Variants in LRP1B observed in about 807,000 individuals in gnomAD.
LRP1B encodes low-density lipoprotein receptor-related protein 1B.
A neutral mutation model predicts 556.6 loss-of-function variants in LRP1B; 217 were observed. The observed-to-expected ratio is 0.39, with a 90% CI of 0.35 to 0.44. The LOEUF is 0.44. Among genes scored for constraint, LRP1B ranks in the 20% least tolerant of loss-of-function variants. The probability of loss-of-function intolerance (pLI) is 1.00; values close to 1 mark genes in which losing one functional copy is unlikely to be tolerated. For synonymous variants in LRP1B, 2,047 were observed against 1,865.8 expected, an observed-to-expected ratio of 1.10 and a Z score of -2.50; for missense variants, 5,053 against 5,620.8, an observed-to-expected ratio of 0.90 and a Z score of 3.23.
intron 7 of LRP1B, among the ~76,000 whole-genome samples, chr2:141,165,676 A>G (rs1680221975): frequency 6.6e-6 from 1 of 152,030 alleles, no homozygotes; most frequent in Admixed American, 6.6e-5. Context: ...TGAACCATTA[A>G]GGAAATTGGA....
chr2:141,686,010 A>C (rs1691288773), intron 2 of LRP1B, among the ~76,000 whole-genome samples: 1 of 152,078 alleles, frequency 6.6e-6, no homozygotes, highest in Admixed American at 6.6e-5. Context: ...ATGGAAAACA[A>C]ATGTAGAATA....
intron 2 of LRP1B, among the ~76,000 whole-genome samples, chr2:141,764,474 G>A (rs575324802): frequency 9.9e-5 from 15 of 152,240 alleles, no homozygotes; most frequent in East Asian, 9.7e-4. Context: ...GAGCCACCGC[G>A]CCAGGCACAA....
chr2:141,785,385 T>C (rs980178179), intron 2 of LRP1B, among the ~76,000 whole-genome samples: 9 of 151,950 alleles, frequency 5.9e-5, no homozygotes, highest in African/African-American at 2.2e-4. Flanking sequence ...TCTGTGACCA[T>C]CTGTGAGAAA....
rs1267966603 is a variant in LRP1B at position 140,234,933 on chromosome 2, ACTT to A, written c.13561-52_13561-50del. The A allele has an allele frequency of 5.4e-6, 4 of 740,692 alleles. No individual in the cohort carries two copies. In the African/African-American group the frequency reaches 7.0e-5, roughly 13 times the overall value. The allele number at this position is 740,692 out of a possible 1,614,324, so 45.9% of individuals were successfully genotyped here. A position where few individuals can be genotyped will look rare whatever the true frequency, so the allele number is the denominator to read the frequency against. On this transcript the variant is annotated intron_variant, in intron 89 of 90. Transcript: ENST00000389484. ...GTTTCTGATCTAATATTATAGAATC[ACTT>A]TTCATCGATACATATCATGTTAATT...
chr2:140,644,744 G>A (rs1684419155), intron 41 of LRP1B, among the ~76,000 whole-genome samples: 1 of 151,956 alleles, frequency 6.6e-6, no homozygotes, highest in Non-Finnish European at 1.5e-5. Flanking sequence ...AGGACTACAT[G>A]GTGCAAACTT....
intron 1 of LRP1B, among the ~76,000 whole-genome samples, chr2:142,055,057 T>C (rs1704614206): frequency 6.6e-6 from 1 of 152,276 alleles, no homozygotes; most frequent in African/African-American, 2.4e-5. Flanking sequence ...ATATACATTA[T>C]GCTGCTTGCG....
At chr2:140,488,783 A>ATT (rs1429264413) in intron 57 of LRP1B, among the ~76,000 whole-genome samples, 9 of 151,978 alleles carry the variant, frequency 5.9e-5, no homozygotes, top group Non-Finnish European at 1.2e-4. Context: ...TTCACCGTAA[A>ATT]GTTGATGCTA....
intron 3 of LRP1B, among the ~76,000 whole-genome samples, chr2:141,415,455 T>C (rs1426526375): frequency 2.0e-5 from 3 of 152,222 alleles, no homozygotes; most frequent in African/African-American, 4.8e-5. Flanking sequence ...TTGTCCTAAA[T>C]GTATATACTA....
At chr2:142,055,262 G>A (rs1276289418) in intron 1 of LRP1B, among the ~76,000 whole-genome samples, 2 of 152,000 alleles carry the variant, frequency 1.3e-5, no homozygotes, top group East Asian at 3.9e-4. Context: ...AGAAAACTTT[G>A]GATAAAGGTA....
intron 3 of LRP1B, among the ~76,000 whole-genome samples, chr2:141,346,321 G>T (rs1688258009): frequency 6.6e-6 from 1 of 152,006 alleles, no homozygotes. Flanking sequence ...TGCCAGTTCT[G>T]GGATTCATTA....
intron 2 of LRP1B, among the ~76,000 whole-genome samples, chr2:141,594,512 A>T (rs1231050237): frequency 1.3e-5 from 2 of 152,174 alleles, no homozygotes; most frequent in African/African-American, 4.8e-5. Flanking sequence ...TTAGAGTGCT[A>T]GTCAGAAGAG....
At chr2:141,198,708 T>C (rs1334897652) in intron 6 of LRP1B, among the ~76,000 whole-genome samples, 1 of 152,132 alleles carries the variant, frequency 6.6e-6, no homozygotes, top group African/African-American at 2.4e-5. Flanking sequence ...TTATCTACTA[T>C]GGTAGATGCA....
At chr2:141,597,047 T>G (rs1340338955) in intron 2 of LRP1B, among the ~76,000 whole-genome samples, 1 of 133,278 alleles carries the variant, frequency 7.5e-6, no homozygotes, top group African/African-American at 3.4e-5. Context: ...ACATAAGTTC[T>G]GACATTTTAC....
At chr2:141,927,328 C>T (rs547096234) in intron 1 of LRP1B, among the ~76,000 whole-genome samples, 1 of 152,216 alleles carries the variant, frequency 6.6e-6, no homozygotes, top group South Asian at 2.1e-4. Flanking sequence ...GAACTGTCCT[C>T]TACCTGTTTG....
chr2:141,469,918 T>C lies in LRP1B; in HGVS notation c.343+10478A>G, dbSNP rs187381127. Among the ~76,000 whole-genome samples, 794 of 152,330 alleles carry C rather than the reference T, an allele frequency of 5.2e-3. 4 individuals are homozygous for C. The highest frequency in any genetic ancestry group is 8.8e-3 in the Non-Finnish European group (600 of 68,030). ...TTTTGAGAGAGAAAAAGAGACCACG[T>C]TTATAAAACATTTGTGACAGTAAAT... On this transcript the variant is annotated intron_variant, in intron 3 of 90. Coordinates refer to ENST00000389484, the MANE Select transcript of LRP1B (RefSeq NM_018557.3).
At chr2:141,792,168 T>G (rs1695635503) in intron 2 of LRP1B, among the ~76,000 whole-genome samples, 1 of 151,812 alleles carries the variant, frequency 6.6e-6, no homozygotes, top group South Asian at 2.1e-4. Flanking sequence ...ACAACATAAA[T>G]GCAACATAGG....
intron 27 of LRP1B, among the ~76,000 whole-genome samples, chr2:140,854,325 A>G (rs1240558267): frequency 6.6e-6 from 1 of 152,108 alleles, no homozygotes; most frequent in East Asian, 1.9e-4. Flanking sequence ...CAGAGATATT[A>G]AGTTTCTATG....
At chr2:140,618,531 G>A (rs752898494) in intron 41 of LRP1B, among the ~76,000 whole-genome samples, 13 of 152,176 alleles carry the variant, frequency 8.5e-5, no homozygotes, top group Admixed American at 2.6e-4. Context: ...TAGAAACAAA[G>A]ATATGCCTTC....
chr2:141,937,277 C>A (rs1020716897), intron 1 of LRP1B, among the ~76,000 whole-genome samples: 5 of 151,702 alleles, frequency 3.3e-5, no homozygotes, highest in Non-Finnish European at 5.9e-5. Flanking sequence ...CTGGGAGAGG[C>A]TGAGGCAGGA....
Sources: allele counts gnomAD v4.1 joint callset (sites outside exome capture counted in the v4.1 genomes callset), GRCh38; gene constraint gnomAD v4.1.1; transcripts MANE v1.5; gene names NCBI Gene and HGNC (gene_info 2026-07-23, HGNC 2026-07-21).